The following CDYL2 variants were observed in gnomAD, a reference collection of about 807,000 sequenced individuals.
The protein encoded by CDYL2 is chromodomain Y like 2.
In CDYL2, 23 loss-of-function variants were observed where a neutral mutation model predicts 49.4. That is an observed-to-expected ratio of 0.47 (90% CI 0.34 to 0.66). CDYL2 has a LOEUF of 0.66. CDYL2 is among the 30% of genes least tolerant of loss of function. CDYL2 has a pLI of 0.01. For missense variants in CDYL2, 678 were observed against 656.4 expected, an observed-to-expected ratio of 1.03 and a Z score of -0.36; for synonymous variants, 360 against 268.8, an observed-to-expected ratio of 1.34 and a Z score of -3.32.
intron 1 of CDYL2, among the ~76,000 whole-genome samples, chr16:80,744,587 T>C (rs1420292788): frequency 1.3e-5 from 2 of 152,182 alleles, no homozygotes; most frequent in African/African-American, 4.8e-5. Context: ...GAAAATGTCA[T>C]TGTCTTCAAA....
chr16:80,701,260 T>C (rs1187622558), intron 1 of CDYL2, among the ~76,000 whole-genome samples: 1 of 152,166 alleles, frequency 6.6e-6, no homozygotes, highest in Non-Finnish European at 1.5e-5. Flanking sequence ...CATATGCAAA[T>C]ATATAAAGGT....
intron 3 of CDYL2, among the ~76,000 whole-genome samples, chr16:80,632,392 T>C (rs1567548337): frequency 1.3e-5 from 2 of 151,688 alleles, no homozygotes; most frequent in East Asian, 1.9e-4. Flanking sequence ...AGTAGATGAG[T>C]GGTTTCCAGG....
Position 80,672,523 on chromosome 16 carries a change from CAAAGGA to C in CDYL2, c.616+12009_616+12014del, listed in dbSNP as rs1407763595. On this transcript the variant is annotated intron_variant, in intron 2 of 6. Transcript: ENST00000570137. The stretch of plus-strand genomic sequence containing the variant: ...AAAGGAAAGAAGGAAAGAAGCAAAG[CAAAGGA>C]AAAGGAAAAGGAAAGGAAAGGAAAG... Among the ~76,000 whole-genome samples, 523 of 72,514 alleles carry C rather than the reference CAAAGGA, an allele frequency of 7.2e-3. 4 individuals carry two copies. Among genetic ancestry groups the C allele is most frequent in the South Asian group, 0.011 (22 of 2,090 alleles). 47.6% of individuals were successfully genotyped at this position (72,514 alleles called of 152,430 possible). A position where few individuals can be genotyped will look rare whatever the true frequency, so the allele number is the denominator to read the frequency against.
intron 1 of CDYL2, among the ~76,000 whole-genome samples, chr16:80,705,733 C>A (rs1904382731): frequency 6.6e-6 from 1 of 152,272 alleles, no homozygotes. Flanking sequence ...CTCAAATCTG[C>A]CCTTGTCATG....
chr16:80,640,016 G>C (rs1191079242), intron 2 of CDYL2, among the ~76,000 whole-genome samples: 1 of 152,168 alleles, frequency 6.6e-6, no homozygotes, highest in Non-Finnish European at 1.5e-5. Context: ...TGGGGCCCTA[G>C]ATAAACCTGA....
rs1908036595 is a variant in CDYL2, at chr16:80,804,452, C to T, written c.-279G>A. On this transcript the variant is annotated 5_prime_UTR_variant, in exon 1 of 7. Transcript: ENST00000570137. The stretch of plus-strand genomic sequence containing the variant: ...GCAGCAGCGACGGCCGCGCAGCGCG[C>T]CCGGGAGGCACGGACGCGGCCCGAG... 6.8e-6 allele frequency: 1 copy of T among 146,276 alleles called. No homozygotes were observed. Among genetic ancestry groups the T allele is most frequent in the African/African-American group, 2.5e-5 (1 of 40,528 alleles). 9.1% of individuals were successfully genotyped at this position (146,276 alleles called of 1,614,324 possible).
chr16:80,749,741 T>TA (rs569373134), intron 1 of CDYL2, among the ~76,000 whole-genome samples: 2 of 151,734 alleles, frequency 1.3e-5, no homozygotes, highest in Non-Finnish European at 2.9e-5. Context: ...TAAAAAAATT[T>TA]AAAAAAAAGC....
At chr16:80,795,681 T>C (rs1278763326) in intron 1 of CDYL2, among the ~76,000 whole-genome samples, 2 of 152,150 alleles carry the variant, frequency 1.3e-5, no homozygotes, top group Non-Finnish European at 2.9e-5. Context: ...AGGCCCAGGA[T>C]AGGCCTCTCC....
intron 3 of CDYL2, among the ~76,000 whole-genome samples, chr16:80,625,479 T>C (rs1207766231): frequency 6.6e-6 from 1 of 152,216 alleles, no homozygotes; most frequent in African/African-American, 2.4e-5. Context: ...TAATTGTATA[T>C]CTGAAACCTT....
chr16:80,720,210 T>C (rs1275482037), intron 1 of CDYL2, among the ~76,000 whole-genome samples: 3 of 152,110 alleles, frequency 2.0e-5, no homozygotes, highest in Admixed American at 1.3e-4. Context: ...CTTCTTCCAG[T>C]TCCCCTCATG....
At chr16:80,774,939 C>A (rs570030149) in intron 1 of CDYL2, among the ~76,000 whole-genome samples, 1 of 151,596 alleles carries the variant, frequency 6.6e-6, no homozygotes, top group South Asian at 2.1e-4. Flanking sequence ...GTAGGACTTA[C>A]TCTAAGACAC....
chr16:80,800,001 A>C (rs571836023), intron 1 of CDYL2, among the ~76,000 whole-genome samples: 7 of 152,352 alleles, frequency 4.6e-5, no homozygotes, highest in Middle Eastern at 3.4e-3. Context: ...AAATAGAGGA[A>C]TGACGTCTGT....
At chr16:80,628,315 T>C (rs1907393521) in intron 3 of CDYL2, 1 of 152,240 alleles carries the variant, frequency 6.6e-6, no homozygotes, top group Admixed American at 6.5e-5. Context: ...GCCAAAATGA[T>C]GGCAGGTCAT....
intron 2 of CDYL2, among the ~76,000 whole-genome samples, chr16:80,648,613 T>C (rs971188611): frequency 7.4e-5 from 11 of 149,262 alleles, no homozygotes; most frequent in African/African-American, 2.2e-4. Flanking sequence ...TTCTAAAAAA[T>C]AGAGAAGGAG....
In CDYL2 at chr16:80,600,454, G is replaced by A. The variant is rs534880739; in HGVS notation, c.*3934C>T. 3 of 152,232 alleles carry A rather than the reference G, an allele frequency of 2.0e-5. No homozygotes were observed. Among genetic ancestry groups the A allele is most frequent in the East Asian group, 1.9e-4 (1 of 5,196 alleles). The allele number at this position is 152,232 out of a possible 1,614,324, so 9.4% of individuals were successfully genotyped here. A position where few individuals can be genotyped will look rare whatever the true frequency, so the allele number is the denominator to read the frequency against. On this transcript the variant is annotated 3_prime_UTR_variant, in exon 7 of 7. Transcript: ENST00000570137. ...ACTTATCTACAACAAAAATATACATGCAAGACAACCCCAAATGGTTTCCCT... is the reference window on the plus strand; with the variant it reads ...ACTTATCTACAACAAAAATATACATACAAGACAACCCCAAATGGTTTCCCT...
intron 1 of CDYL2, among the ~76,000 whole-genome samples, chr16:80,764,112 T>C (rs1170472628): frequency 6.6e-6 from 1 of 152,130 alleles, no homozygotes; most frequent in Non-Finnish European, 1.5e-5. Flanking sequence ...GACAACAGAA[T>C]TGTGGTAAAG....
chr16:80,616,187 C>A (rs897731223), intron 4 of CDYL2, among the ~76,000 whole-genome samples: 1 of 152,220 alleles, frequency 6.6e-6, no homozygotes, highest in Non-Finnish European at 1.5e-5. Context: ...AATGGTGAGA[C>A]CTTGGACAGG....
chr16:80,609,609 G>C (rs1346455237), intron 5 of CDYL2, among the ~76,000 whole-genome samples: 2 of 152,174 alleles, frequency 1.3e-5, no homozygotes, highest in African/African-American at 4.8e-5. Flanking sequence ...GGGAGAAGGG[G>C]CAAATGGCCA....
chr16:80,730,502 C>T (rs1414142493), intron 1 of CDYL2, among the ~76,000 whole-genome samples: 1 of 152,060 alleles, frequency 6.6e-6, no homozygotes, highest in Non-Finnish European at 1.5e-5. Context: ...GATGGATTCA[C>T]AGCCGAATTC....
Sources: allele counts gnomAD v4.1 joint callset (sites outside exome capture counted in the v4.1 genomes callset), GRCh38; gene constraint gnomAD v4.1.1; transcripts MANE v1.5; gene names NCBI Gene and HGNC (gene_info 2026-07-23, HGNC 2026-07-21).